ABLIM1: variants seen among roughly 807,000 people sequenced by gnomAD.
The protein encoded by ABLIM1 is actin-binding LIM protein 1.
In ABLIM1, 40 loss-of-function variants were observed where a neutral mutation model predicts 107.0. That is an observed-to-expected ratio of 0.37 (90% confidence interval 0.29 to 0.49). The LOEUF (loss-of-function observed/expected upper bound fraction) is 0.49. Ranked by LOEUF, ABLIM1 falls within the 20% of genes least tolerant of loss-of-function variation. The probability of loss-of-function intolerance (pLI) is 0.97; values close to 1 mark genes in which losing one functional copy is unlikely to be tolerated. For missense variants in ABLIM1, 857 were observed against 1,008.5 expected (o/e 0.85, Z 2.04); for synonymous variants, 357 against 357.3 (o/e 1.00, Z 0.01).
At chr10:114,787,711 G>T in the ABLIM1 span, among the ~76,000 whole-genome samples, 13 of 132,704 alleles carry the variant, frequency 9.8e-5, no homozygotes, top group South Asian at 2.6e-4. Context: ...GAGGTGGGGG[G>T]GTCAGCCCCC....
intron 1 of ABLIM1, among the ~76,000 whole-genome samples, chr10:114,676,325 A>C (rs1306095438): frequency 6.6e-6 from 1 of 152,088 alleles, no homozygotes; most frequent in Non-Finnish European, 1.5e-5. Context: ...AAAAATACAA[A>C]AATTAGCTGG....
intron 1 of ABLIM1, among the ~76,000 whole-genome samples, chr10:114,722,483 A>AC (rs2081869987): frequency 6.6e-6 from 1 of 152,262 alleles, no homozygotes; most frequent in South Asian, 2.1e-4. Context: ...CACAAATCCA[A>AC]CTATATCACA....
chr10:114,799,107 T>C, the ABLIM1 span, among the ~76,000 whole-genome samples: 1 of 152,314 alleles, frequency 6.6e-6, no homozygotes, highest in Admixed American at 6.5e-5. Flanking sequence ...CAGTACAGTA[T>C]ACATTAAGTG....
chr10:114,646,264 T>C (rs867011612), intron 1 of ABLIM1, among the ~76,000 whole-genome samples: 9 of 152,312 alleles, frequency 5.9e-5, no homozygotes, highest in Middle Eastern at 3.4e-3. Context: ...ATATGCTTCA[T>C]TGGCCATTAA....
chr10:114,607,921 A>G (rs2076536187), intron 1 of ABLIM1, among the ~76,000 whole-genome samples: 1 of 152,260 alleles, frequency 6.6e-6, no homozygotes, highest in Non-Finnish European at 1.5e-5. Context: ...TTTAGTTCAT[A>G]ACAGTGTGCC....
At chr10:114,610,678 T>C (rs1459806424) in intron 1 of ABLIM1, 1 of 152,262 alleles carries the variant, frequency 6.6e-6, no homozygotes, top group Non-Finnish European at 1.5e-5. Context: ...TGAAGCTACA[T>C]ACACAGTTAC....
At chr10:114,439,670 G>A (rs1335032616) in intron 20 of ABLIM1, 3 of 357,490 alleles carry the variant, frequency 8.4e-6, no homozygotes, top group East Asian at 6.3e-5. Flanking sequence ...AATGTCATGA[G>A]GGCAAACTGC....
At chr10:114,456,696 T>C (rs1157430009) in intron 12 of ABLIM1, among the ~76,000 whole-genome samples, 4 of 152,242 alleles carry the variant, frequency 2.6e-5, no homozygotes. Context: ...TTTAAGGTTA[T>C]TAGAATTAGA....
chr10:114,735,759 T>C (rs1485932536), intron 1 of ABLIM1, among the ~76,000 whole-genome samples: 1 of 152,198 alleles, frequency 6.6e-6, no homozygotes, highest in Non-Finnish European at 1.5e-5. Context: ...TGAGCCACCA[T>C]GCCCGGCCAA....
chr10:114,483,911 A>G (rs1035754839), intron 8 of ABLIM1, among the ~76,000 whole-genome samples: 1 of 152,048 alleles, frequency 6.6e-6, no homozygotes, highest in Admixed American at 6.5e-5. Context: ...ACCCCTAAAG[A>G]CGGTCAGGTA....
intron 2 of ABLIM1, among the ~76,000 whole-genome samples, chr10:114,601,076 AC>A (rs1566063739): frequency 6.9e-6 from 1 of 144,246 alleles, no homozygotes; most frequent in African/African-American, 2.7e-5. Context: ...ACACACACAC[AC>A]ACACACACAC....
chr10:114,586,826 G>A (rs188934867), intron 2 of ABLIM1, among the ~76,000 whole-genome samples: 119 of 152,230 alleles, frequency 7.8e-4, no homozygotes, highest in Admixed American at 2.0e-3. Context: ...AGCAATGAAA[G>A]GAAGTCCAAA....
chr10:114,716,132 C>A (rs1037849681), intron 1 of ABLIM1, among the ~76,000 whole-genome samples: 2 of 152,228 alleles, frequency 1.3e-5, no homozygotes, highest in Non-Finnish European at 2.9e-5. Context: ...GAGAAACACA[C>A]TTTCCACCCA....
intron 19 of ABLIM1, 79 bp from the exon 20 acceptor site, chr10:114,440,168 T>C: frequency 1.2e-5 from 17 of 1,399,558 alleles, no homozygotes; most frequent in Non-Finnish European, 1.6e-5. Flanking sequence ...CTATATTATA[T>C]TGAAATTCCC....
At chr10:114,678,251 T>C (rs2080579924) in intron 1 of ABLIM1, among the ~76,000 whole-genome samples, 1 of 152,188 alleles carries the variant, frequency 6.6e-6, no homozygotes, top group African/African-American at 2.4e-5. Flanking sequence ...TAGTACCAAG[T>C]AATATTTTGA....
intron 1 of ABLIM1, among the ~76,000 whole-genome samples, chr10:114,627,020 T>A (rs891923377): frequency 6.6e-6 from 1 of 152,166 alleles, no homozygotes; most frequent in Non-Finnish European, 1.5e-5. Context: ...CACCTTGACC[T>A]CAGGCTTGTA....
intron 1 of ABLIM1, among the ~76,000 whole-genome samples, chr10:114,610,295 G>T (rs2076720023): frequency 6.6e-6 from 1 of 152,202 alleles, no homozygotes; most frequent in Non-Finnish European, 1.5e-5. Flanking sequence ...AGCCTGAGCA[G>T]AGGCCAGGAT....
chr10:114,534,536 G>A (rs7893570), intron 6 of ABLIM1, among the ~76,000 whole-genome samples: 61,403 of 151,314 alleles, frequency 0.41, 13,692 homozygotes, highest in Non-Finnish European at 0.51. Context: ...ACTCCAGGAG[G>A]TTTTCAGCTT....
intron 1 of ABLIM1, among the ~76,000 whole-genome samples, chr10:114,725,838 A>C (rs2081948182): frequency 6.6e-6 from 1 of 151,642 alleles, no homozygotes; most frequent in Non-Finnish European, 1.5e-5. Flanking sequence ...TCAACCTCTC[A>C]GACTCAAGCG....
Sources: allele counts gnomAD v4.1 joint callset (sites outside exome capture counted in the v4.1 genomes callset), GRCh38; gene constraint gnomAD v4.1.1; transcripts MANE v1.5; gene names NCBI Gene and HGNC (gene_info 2026-07-23, HGNC 2026-07-21).